The following YTHDC2 variants were observed in gnomAD, a reference collection of about 807,000 sequenced individuals.
YTHDC2 encodes the protein YTH N6-methyladenosine RNA binding protein C2.
YTHDC2 carries 45 observed loss-of-function variants against 174.9 expected under a neutral mutation model. The observed-to-expected ratio is 0.26, with a 90% CI of 0.20 to 0.33. The LOEUF is 0.33. Among genes scored for constraint, YTHDC2 ranks in the 10% least tolerant of loss-of-function variants. The pLI is 1.00. For missense variants in YTHDC2, 1,650 were observed against 1,723.7 expected, an observed-to-expected ratio of 0.96 and a Z score of 0.76; for synonymous variants, 657 against 574.5, an observed-to-expected ratio of 1.14 and a Z score of -2.05.
At chr5:113,519,133 A>G (rs1580469175) in intron 2 of YTHDC2, among the ~76,000 whole-genome samples, 1 of 151,996 alleles carries the variant, frequency 6.6e-6, no homozygotes, top group Admixed American at 6.6e-5. Context: ...TAGGCCGCCC[A>G]AAGTATTGGG....
At chr5:113,566,958 C>T in intron 21 of YTHDC2, 134 bp from the exon 22 acceptor site, 2 of 1,014,732 alleles carry the variant, frequency 2.0e-6, no homozygotes, top group Non-Finnish European at 2.8e-6. Context: ...AACAACTTTC[C>T]AGAGGAGATT....
chr5:113,547,115 A>G (rs1775933379), intron 10 of YTHDC2, among the ~76,000 whole-genome samples: 1 of 152,184 alleles, frequency 6.6e-6, no homozygotes, highest in Non-Finnish European at 1.5e-5. Flanking sequence ...ATTAGGCTCC[A>G]CCTCTTGAAG....
Position 113,579,724 on chromosome 5 carries a change from T to G in YTHDC2, c.3354+29T>G, listed in dbSNP as rs1439317507. 1.9e-6 allele frequency: 3 copies of G among 1,567,580 alleles called. No homozygotes were observed. The African/African-American group carries it at 4.1e-5, about 22-fold the overall frequency. ...AGTTGCTTTCAAGTAGTGTAATAAA[T>G]TTCTTTCATTCAGTTAGTGTGAATT... On this transcript the variant is annotated intron_variant, in intron 24 of 29. Transcript: ENST00000161863.
chr5:113,533,292 C>G (rs999317401), intron 5 of YTHDC2, among the ~76,000 whole-genome samples: 6 of 151,982 alleles, frequency 3.9e-5, no homozygotes, highest in African/African-American at 1.5e-4. Flanking sequence ...CCTGTAGTCC[C>G]AGTACTTTGG....
chr5:113,567,881 G>T (rs762781772), intron 23 of YTHDC2, 32 bp downstream of exon 23: 3 of 1,410,556 alleles, frequency 2.1e-6, no homozygotes, highest in South Asian at 1.8e-5. Context: ...AAATCTATTT[G>T]AAATGAATTT....
intron 23 of YTHDC2, among the ~76,000 whole-genome samples, chr5:113,571,304 A>C (rs1021452586): frequency 3.3e-5 from 5 of 152,234 alleles, no homozygotes; most frequent in African/African-American, 1.2e-4. Flanking sequence ...ATGTTGAACC[A>C]GCCTTGCATC....
intron 27 of YTHDC2, 36 bp from the exon 28 acceptor site, chr5:113,591,960 C>T (rs1044725771): frequency 6.8e-7 from 1 of 1,473,868 alleles, no homozygotes; most frequent in Admixed American, 2.2e-5. Context: ...CTAATCTCCT[C>T]CTCACCTCTA....
chr5:113,548,604 C>T lies in YTHDC2; in HGVS notation c.1559C>T (p.Ala520Val). Residue 520 changes from alanine to valine, a missense_variant, in exon 11 of 30, where the codon GCA becomes GTA. Transcript: ENST00000161863. ...ATGGTTGCTGCAGGACGTGGCTTTG[C>T]AAGTCAAGTAGAACAGTTAATCAGT... ...ALMVAAGRGF[A>V]SQVEQLISMG... 3 of 1,613,386 alleles carry T rather than the reference C, an allele frequency of 1.9e-6. No homozygotes were observed. Among genetic ancestry groups the T allele is most frequent in the Non-Finnish European group, 2.5e-6 (3 of 1,179,642 alleles).
Position 113,592,260 on chromosome 5 carries a change from G to GTT in YTHDC2, c.4212+83_4212+84insTT, listed in dbSNP as rs530985365. The GTT allele has an allele frequency of 5.8e-4, 783 of 1,351,646 alleles. 4 individuals carry two copies. The highest frequency in any genetic ancestry group is 4.1e-3 in the South Asian group (253 of 62,316). 83.7% of individuals were successfully genotyped at this position (1,351,646 alleles called of 1,614,324 possible). The stretch of plus-strand genomic sequence containing the variant: ...CCAGTGCTTTAATTGAGGAGAAAAT[G>GTT]TAAGAGTACAAATTTTATATTCCAT... On this transcript the variant is annotated intron_variant, in intron 28 of 29. Transcript: ENST00000161863.
At chr5:113,591,912 A>G in intron 27 of YTHDC2, 84 bp from the exon 28 acceptor site, 1 of 1,093,166 alleles carries the variant, frequency 9.1e-7, no homozygotes, top group Non-Finnish European at 1.2e-6. Context: ...TAAAATTTTA[A>G]AAACTCAGCC....
At chr5:113,590,858 G>A (rs1188222788) in intron 26 of YTHDC2, among the ~76,000 whole-genome samples, 183 bp from the exon 27 acceptor site, 1 of 152,150 alleles carries the variant, frequency 6.6e-6, no homozygotes, top group Non-Finnish European at 1.5e-5. Context: ...ATGAGTACTT[G>A]TTTTTGGCTA....
In YTHDC2 at chr5:113,563,937, C is replaced by A. The variant is rs1251761409; in HGVS notation, c.2521C>A (p.Leu841Ile). The A allele has an allele frequency of 3.1e-6, 5 of 1,614,008 alleles. No homozygotes were observed. Among genetic ancestry groups the A allele is most frequent in the Non-Finnish European group, 4.2e-6 (5 of 1,180,028 alleles). ...GGCTGACTTGCCAGTAGAACCACAT[C>A]TTGGTAAAATGGTCTTGTGTGCTGT... ...HLADLPVEPH[L>I]GKMVLCAVVL... Residue 841 changes from leucine to isoleucine, a missense_variant, in exon 20 of 30, where the codon CTT becomes ATT. By Grantham distance (5) the Leu-to-Ile change is conservative (BLOSUM62 2). Transcript: ENST00000161863.
At chr5:113,579,189 ACTTTTT>A (rs995832762) in intron 23 of YTHDC2, among the ~76,000 whole-genome samples, 2 of 151,780 alleles carry the variant, frequency 1.3e-5, no homozygotes, top group African/African-American at 2.4e-5. Flanking sequence ...TTAGCTGTAT[ACTTTTT>A]CTTTTTAAAA....
chr5:113,565,459 T>C (rs925303919), intron 20 of YTHDC2, among the ~76,000 whole-genome samples: 15 of 152,212 alleles, frequency 9.9e-5, no homozygotes, highest in Non-Finnish European at 1.8e-4. Context: ...ATACTGCATA[T>C]AGATGATTTA....
intron 10 of YTHDC2, among the ~76,000 whole-genome samples, chr5:113,548,035 G>A (rs1776007335): frequency 6.6e-6 from 1 of 152,138 alleles, no homozygotes; most frequent in Admixed American, 6.5e-5. Context: ...ATCCCATTAA[G>A]TGTCTTATCA....
intron 26 of YTHDC2, among the ~76,000 whole-genome samples, chr5:113,589,405 AAAAATAT>A (rs1463273039): frequency 7.5e-5 from 9 of 120,462 alleles, no homozygotes; most frequent in African/African-American, 3.2e-4. Context: ...TAAAAAAAAA[AAAAATAT>A]ATATATATAT....
At chr5:113,567,414 A>ATG (rs1260082243) in intron 22 of YTHDC2, 117 bp downstream of exon 22, 6 of 340,598 alleles carry the variant, frequency 1.8e-5, no homozygotes, top group Non-Finnish European at 2.7e-5. Context: ...TTATATATAT[A>ATG]TATATATATA....
intron 26 of YTHDC2, 42 bp from the exon 27 acceptor site, chr5:113,590,999 A>C (rs1778973700): frequency 6.4e-7 from 1 of 1,557,736 alleles, no homozygotes; most frequent in Admixed American, 1.9e-5. Flanking sequence ...TTGGTTTTGA[A>C]AGGTCAGGTT....
At chr5:113,536,002 A>G (rs546294849) in intron 7 of YTHDC2, among the ~76,000 whole-genome samples, 1 of 152,224 alleles carries the variant, frequency 6.6e-6, no homozygotes, top group South Asian at 2.1e-4. Flanking sequence ...AGTGAGCCTA[A>G]TTCTCTTACC....
Sources: gnomAD v4.1 joint callset for allele counts (sites outside exome capture counted in the v4.1 genomes callset) on GRCh38, gnomAD v4.1.1 for gene constraint, MANE v1.5 for transcripts, NCBI Gene and HGNC (gene_info 2026-07-23, HGNC 2026-07-21) for gene names.